Variants in SNED1 observed in about 807,000 individuals in gnomAD.
The protein encoded by SNED1 is sushi, nidogen and EGF like domains 1, also known as sushi, nidogen and EGF-like domain-containing protein 1.
In SNED1, 81 loss-of-function variants were observed where a neutral mutation model predicts 166.7. That is an observed-to-expected ratio of 0.49 (90% CI 0.41 to 0.58). SNED1 has a LOEUF of 0.58. SNED1 is among the 20% of genes least tolerant of loss of function. SNED1 has a pLI of 0.00. For missense variants in SNED1, 1,604 were observed against 2,000.2 expected, an observed-to-expected ratio of 0.80 and a Z score of 3.78; for synonymous variants, 762 against 822.0, an observed-to-expected ratio of 0.93 and a Z score of 1.25.
chr2:241,054,279 C>T (rs961443265), intron 16 of SNED1, among the ~76,000 whole-genome samples: 3 of 152,146 alleles, frequency 2.0e-5, no homozygotes, highest in Non-Finnish European at 4.4e-5. Flanking sequence ...CTGAAAAGTA[C>T]GATTGCCTCA....
Position 240,999,742 on chromosome 2 carries a change from T to C in SNED1, c.213+692T>C, listed in dbSNP as rs2060019726. Among the ~76,000 whole-genome samples the C allele has an allele frequency of 6.6e-6, 1 of 152,062 alleles. No individual in the cohort carries two copies. The highest frequency in any genetic ancestry group is 2.4e-5 in the African/African-American group (1 of 41,404). On this transcript the variant is annotated intron_variant, in intron 1 of 31. Coordinates refer to ENST00000310397, the MANE Select transcript of SNED1 (RefSeq NM_001080437.3). This position sits in a 1 kb window ranked among gnomAD's most constrained non-coding sequence, Gnocchi z 5.8. Reference sequence around the variant, plus strand: ...GCTCAGCTGAAGGAACAGGCCCGAGTGCCGGTTCTGTCTCCATGGCTCCCA... The same window carrying C: ...GCTCAGCTGAAGGAACAGGCCCGAGCGCCGGTTCTGTCTCCATGGCTCCCA...
chr2:241,082,138 C>T (rs970045841), intron 28 of SNED1, 139 bp from the exon 29 acceptor site: 10 of 670,030 alleles, frequency 1.5e-5, no homozygotes, highest in Admixed American at 2.6e-5. Flanking sequence ...TGCAGACCCC[C>T]GGGCCCTCTC....
At chr2:241,078,388 A>C (rs2063148515) in intron 27 of SNED1, among the ~76,000 whole-genome samples, 1 of 151,292 alleles carries the variant, frequency 6.6e-6, no homozygotes. Flanking sequence ...GTCTCAAAAA[A>C]AAAAAAAAAA....
chr2:241,062,581 C>T (rs550853293), intron 16 of SNED1, among the ~76,000 whole-genome samples: 1 of 152,320 alleles, frequency 6.6e-6, no homozygotes, highest in African/African-American at 2.4e-5. Flanking sequence ...TTCAAGCCCG[C>T]CCTGCTGCTT....
chr2:241,004,585 AAAT>A (rs141762657), intron 1 of SNED1, among the ~76,000 whole-genome samples: 6,847 of 152,282 alleles, frequency 0.045, 515 homozygotes, highest in African/African-American at 0.15. Context: ...GTTTACCTTC[AAAT>A]AATATTATAC....
At chr2:241,076,546 A>C (rs998156729) in intron 27 of SNED1, among the ~76,000 whole-genome samples, 1 of 152,210 alleles carries the variant, frequency 6.6e-6, no homozygotes, top group African/African-American at 2.4e-5. Context: ...TATATATAAA[A>C]TCATATCCTT....
At chr2:241,022,843 G>A (rs1018011687) in intron 1 of SNED1, among the ~76,000 whole-genome samples, 1 of 152,148 alleles carries the variant, frequency 6.6e-6, no homozygotes, top group Non-Finnish European at 1.5e-5. Context: ...ATTTTTGAAA[G>A]TATTATTATA....
At chr2:241,083,444 C>T (rs1263715543) in intron 29 of SNED1, among the ~76,000 whole-genome samples, 1 of 152,182 alleles carries the variant, frequency 6.6e-6, no homozygotes, top group Non-Finnish European at 1.5e-5. Context: ...TTCGATTACA[C>T]TACTTTGGAT....
rs750356654 is a variant in SNED1, at chr2:241,053,171, C to T, written c.2102C>T (p.Pro701Leu). 1.2e-6 allele frequency: 2 copies of T among 1,610,696 alleles called. No individual in the cohort carries two copies. The highest frequency in any genetic ancestry group is 1.7e-6 in the Non-Finnish European group (2 of 1,179,296). Residue 701 changes from proline to leucine, a missense_variant, in exon 16 of 32, where the codon CCG (proline) becomes CTG (leucine). Around this residue, in one of 2 missense-constraint regions of SNED1, gnomAD observed 1,237 missense variants for 1,620.8 expected, o/e 0.76. Coordinates refer to ENST00000310397, the MANE Select transcript of SNED1 (RefSeq NM_001080437.3). ...RCQAEVDCGP[P>L]EEVKHATLRF... ...CTTGCAGAGGTGGACTGCGGCCCCC[C>T]GGAGGAGGTGAAGCACGCCACACTG... is the stretch of plus-strand genomic sequence containing the variant.
chr2:241,021,561 T>C (rs1344456762), intron 1 of SNED1, among the ~76,000 whole-genome samples: 1 of 152,208 alleles, frequency 6.6e-6, no homozygotes, highest in Non-Finnish European at 1.5e-5. Context: ...ACTGGCTTCT[T>C]TCATTTAACA....
chr2:241,016,384 A>G (rs1312212666), intron 1 of SNED1, among the ~76,000 whole-genome samples: 1 of 151,942 alleles, frequency 6.6e-6, no homozygotes, highest in African/African-American at 2.4e-5. Flanking sequence ...TTTTTTTAGT[A>G]GAGATGGGGT....
At chr2:241,002,577 G>C (rs575886428) in intron 1 of SNED1, among the ~76,000 whole-genome samples, 10 of 152,266 alleles carry the variant, frequency 6.6e-5, no homozygotes, top group South Asian at 2.1e-4. Flanking sequence ...TGGAGTCGAG[G>C]AGGATGCTGG....
chr2:241,024,235 CTTTTTTTTTTTTTTTTTT>C (rs10664618), intron 1 of SNED1, among the ~76,000 whole-genome samples: 15 of 46,908 alleles, frequency 3.2e-4, no homozygotes, highest in South Asian at 1.7e-3. Context: ...ACTCTACTAC[CTTTTTTTTTTTTTTTTTT>C]TTTTTTTTTT....
Position 241,081,686 on chromosome 2 carries a change from G to T in SNED1, c.3926G>T (p.Gly1309Val). The T allele has an allele frequency of 6.2e-7, 1 of 1,603,410 alleles. No homozygotes were observed. The highest frequency in any genetic ancestry group is 8.5e-7 in the Non-Finnish European group (1 of 1,174,972). Residue 1309 changes from glycine to valine, a missense_variant, in exon 28 of 32, where the codon GGC becomes GTC. Around this residue, in one of 2 missense-constraint regions of SNED1, gnomAD observed 367 missense variants for 379.4 expected, o/e 0.97. Transcript: ENST00000310397. ...TGACCTCTGTTTCCAGACGTCCCTGGCAACTGTTCAGAAAACCCCTGTCAG... is the reference window on the plus strand; with the variant it reads ...TGACCTCTGTTTCCAGACGTCCCTGTCAACTGTTCAGAAAACCCCTGTCAG... ...HGSKDIGNVP[G>V]NCSENPCQNG... is the part of the protein sequence containing the mutation.
intron 8 of SNED1, among the ~76,000 whole-genome samples, chr2:241,048,073 T>C (rs1248796100): frequency 6.6e-6 from 1 of 152,232 alleles, no homozygotes; most frequent in Non-Finnish European, 1.5e-5. Context: ...CTTCTTGTTC[T>C]GTCCAATCCT....
At chr2:241,053,064 G>A (rs1328310067) in intron 15 of SNED1, 89 bp from the exon 16 acceptor site, 4 of 1,292,668 alleles carry the variant, frequency 3.1e-6, no homozygotes, top group Non-Finnish European at 4.3e-6. Flanking sequence ...ACATCCCTGG[G>A]CCCTGCAGTC....
At chr2:241,030,639 G>A (rs1559238760) in intron 2 of SNED1, 68 bp downstream of exon 2, 2 of 1,513,384 alleles carry the variant, frequency 1.3e-6, no homozygotes, top group East Asian at 4.6e-5. Flanking sequence ...CCCGCACCAG[G>A]GCTCCCTCTT....
chr2:241,057,088 A>G (rs1378292568), intron 16 of SNED1, among the ~76,000 whole-genome samples: 1 of 151,918 alleles, frequency 6.6e-6, no homozygotes. Context: ...CAGTATAAAT[A>G]TTGAAATAGG....
rs2124827455 is a variant in SNED1 at position 241,013,170 on chromosome 2, C to A, written c.213+14120C>A. 6.6e-6 allele frequency among the ~76,000 whole-genome samples: 1 copy of A among 152,320 alleles called. No homozygotes were observed. The highest frequency in any genetic ancestry group is 2.4e-5 in the African/African-American group (1 of 41,576). On this transcript the variant is annotated intron_variant, in intron 1 of 31. Coordinates refer to ENST00000310397, the MANE Select transcript of SNED1 (RefSeq NM_001080437.3). The surrounding 1 kb of genome is among the most constrained non-coding windows in gnomAD (Gnocchi z 4.6). ...TGTTAACTACGGTTGCCATGCATTA[C>A]ATGGAGACCCCAGAACTTACTCATC...
Sources: allele counts gnomAD v4.1 joint callset (sites outside exome capture counted in the v4.1 genomes callset), GRCh38; gene constraint gnomAD v4.1.1; regional missense constraint gnomAD v4.1.1; non-coding constraint Gnocchi (gnomAD v3.1); transcripts MANE v1.5; gene names NCBI Gene and HGNC (gene_info 2026-07-23, HGNC 2026-07-21).